SYT2: variants seen among roughly 807,000 people sequenced by gnomAD.
SYT2 encodes the protein synaptotagmin-2.
In SYT2, 15 loss-of-function variants were observed where a neutral mutation model predicts 39.9. The ratio of observed to expected loss-of-function variants is 0.38; its 90% CI spans 0.25 to 0.58. The LOEUF is 0.58. Ranked by LOEUF, SYT2 falls within the 20% of genes least tolerant of loss-of-function variation. The pLI, the probability that SYT2 is intolerant of heterozygous loss-of-function variation, is 0.70. For missense variants in SYT2, 389 were observed against 530.3 expected (o/e 0.73, Z 2.62); for synonymous variants, 181 against 204.5 (o/e 0.89, Z 0.98).
chr1:202,625,095 G>A (rs1691344002), intron 1 of SYT2, among the ~76,000 whole-genome samples: 2 of 145,520 alleles, frequency 1.4e-5, no homozygotes, highest in African/African-American at 5.2e-5. Flanking sequence ...GTTTGTGTGT[G>A]GTATGTGTGT....
At chr1:202,635,363 C>A (rs953415830) in intron 1 of SYT2, among the ~76,000 whole-genome samples, 1 of 152,168 alleles carries the variant, frequency 6.6e-6, no homozygotes, top group African/African-American at 2.4e-5. Context: ...ATAGAACTTA[C>A]AAGGGATGAT....
rs754491530 is a variant in SYT2, at chr1:202,614,520, T to C, written c.-17-8731A>G. ...CTGAGCTCATATCATGCTTCCCTCA[T>C]GGAATTTACCATGCACTTCACATAA... On this transcript the variant is annotated intron_variant, in intron 1 of 8. Coordinates refer to ENST00000367268, the MANE Select transcript of SYT2 (RefSeq NM_177402.5). The surrounding 1 kb of genome is among the most constrained non-coding windows in gnomAD (Gnocchi z 4.0). 1.3e-5 allele frequency among the ~76,000 whole-genome samples: 2 copies of C among 152,232 alleles called. No homozygotes were observed. The highest frequency in any genetic ancestry group is 2.4e-5 in the African/African-American group (1 of 41,458).
At chr1:202,621,442 A>G (rs973090320) in intron 1 of SYT2, among the ~76,000 whole-genome samples, 1 of 152,082 alleles carries the variant, frequency 6.6e-6, no homozygotes, top group African/African-American at 2.4e-5. Context: ...GACCACACAC[A>G]TGCGCCACCA....
intron 1 of SYT2, among the ~76,000 whole-genome samples, chr1:202,697,526 G>A (rs1184113420): frequency 6.6e-6 from 1 of 152,254 alleles, no homozygotes; most frequent in Non-Finnish European, 1.5e-5. Flanking sequence ...ACGCAAGAAG[G>A]AAATGCTCTC....
At chr1:202,655,524 G>T (rs1471794907) in intron 1 of SYT2, among the ~76,000 whole-genome samples, 3 of 152,162 alleles carry the variant, frequency 2.0e-5, no homozygotes, top group Non-Finnish European at 4.4e-5. Context: ...CACCGTTTAC[G>T]CACTGTGCTG....
intron 1 of SYT2, among the ~76,000 whole-genome samples, chr1:202,608,636 T>G (rs867374434): frequency 6.6e-6 from 1 of 152,248 alleles, no homozygotes; most frequent in Non-Finnish European, 1.5e-5. Context: ...ATTTCCACTT[T>G]GGGCTATTTT....
At chr1:202,613,508 T>C (rs1299014294) in intron 1 of SYT2, among the ~76,000 whole-genome samples, 2 of 152,248 alleles carry the variant, frequency 1.3e-5, no homozygotes, top group Admixed American at 1.3e-4. Context: ...TCTTCCCTAA[T>C]TGCCGTGGCT....
At chr1:202,611,544 C>T (rs1373353086) in intron 1 of SYT2, among the ~76,000 whole-genome samples, 1 of 151,902 alleles carries the variant, frequency 6.6e-6, no homozygotes, top group African/African-American at 2.4e-5. Flanking sequence ...TTAGTAGAGA[C>T]GGGGTTTTAC....
intron 1 of SYT2, among the ~76,000 whole-genome samples, chr1:202,656,563 T>C (rs1054995134): frequency 1.3e-5 from 2 of 152,188 alleles, no homozygotes; most frequent in African/African-American, 4.8e-5. Context: ...CTAAGGCTCA[T>C]TGTGACATCT....
chr1:202,601,789 C>T lies in SYT2; in HGVS notation c.801+101G>A, dbSNP rs551303520. 1.6e-4 allele frequency: 206 copies of T among 1,270,810 alleles called. No homozygotes were observed. The Admixed American group carries it at 3.9e-3, about 24-fold the overall frequency. 78.7% of individuals were successfully genotyped at this position (1,270,810 alleles called of 1,614,324 possible). A position where few individuals can be genotyped will look rare whatever the true frequency, so the allele number is the denominator to read the frequency against. ...GTGGAGCTGGGATCCTAACACAGGT[C>T]GTCTGCCTCCAAAGCCCACCCTGTT... On this transcript the variant is annotated intron_variant, in intron 6 of 8. Transcript: ENST00000367268. The surrounding 1 kb of genome is among the most constrained non-coding windows in gnomAD (Gnocchi z 4.0).
At chr1:202,674,451 A>C (rs1216595666) in intron 1 of SYT2, among the ~76,000 whole-genome samples, 1 of 152,140 alleles carries the variant, frequency 6.6e-6, no homozygotes, top group African/African-American at 2.4e-5. Context: ...GGTCCATCTG[A>C]GCATATGAAC....
At chr1:202,644,952 C>T (rs1400074029) in intron 1 of SYT2, among the ~76,000 whole-genome samples, 4 of 152,158 alleles carry the variant, frequency 2.6e-5, no homozygotes, top group Non-Finnish European at 5.9e-5. Context: ...GGCAGCAGCT[C>T]GCTTGTCACA....
chr1:202,665,115 T>C (rs910402553), intron 1 of SYT2, among the ~76,000 whole-genome samples: 1 of 152,248 alleles, frequency 6.6e-6, no homozygotes, highest in Non-Finnish European at 1.5e-5. Context: ...CTGCTCTTAC[T>C]CTTCCTACAG....
At chr1:202,692,467 A>G (rs921738355) in intron 1 of SYT2, among the ~76,000 whole-genome samples, 7 of 152,246 alleles carry the variant, frequency 4.6e-5, no homozygotes, top group African/African-American at 1.7e-4. Context: ...CTTTGGGAGA[A>G]CATTGCCAGA....
At chr1:202,667,202 G>T (rs1453372950) in intron 1 of SYT2, among the ~76,000 whole-genome samples, 1 of 151,170 alleles carries the variant, frequency 6.6e-6, no homozygotes. Flanking sequence ...GGGCTGGGAG[G>T]AAAAAAAGGA....
Position 202,601,201 on chromosome 1 carries a change from C to G in SYT2, c.801+689G>C, listed in dbSNP as rs1690493268. ...ACCACACTGCAGAGTCAAAGCTGCT[C>G]AAAGTCAAAGCCACCCAGGGCAAGA... On this transcript the variant is annotated intron_variant, in intron 6 of 8. Coordinates refer to ENST00000367268, the MANE Select transcript of SYT2 (RefSeq NM_177402.5). This position sits in a 1 kb window ranked among gnomAD's most constrained non-coding sequence, Gnocchi z 4.0. Among the ~76,000 whole-genome samples, 1 of 152,170 alleles carries G rather than the reference C, an allele frequency of 6.6e-6. No individual in the cohort carries two copies. The highest frequency in any genetic ancestry group is 2.4e-5 in the African/African-American group (1 of 41,430).
chr1:202,701,921 G>C (rs1224179941), intron 1 of SYT2, among the ~76,000 whole-genome samples: 4 of 152,318 alleles, frequency 2.6e-5, no homozygotes, highest in South Asian at 4.1e-4. Flanking sequence ...ACACAGGCAG[G>C]AAGTGGCAGT....
intron 1 of SYT2, among the ~76,000 whole-genome samples, chr1:202,681,806 T>G (rs543803048): frequency 1.7e-4 from 26 of 152,314 alleles, no homozygotes; most frequent in African/African-American, 4.8e-4. Flanking sequence ...ATGGAAGGAT[T>G]CATGTCTCCC....
intron 1 of SYT2, among the ~76,000 whole-genome samples, chr1:202,696,985 T>C (rs1211772477): frequency 6.6e-6 from 1 of 152,172 alleles, no homozygotes; most frequent in East Asian, 1.9e-4. Context: ...CAAGCTTTGG[T>C]CCCAGACACA....
Sources: allele counts gnomAD v4.1 joint callset (sites outside exome capture counted in the v4.1 genomes callset), GRCh38; gene constraint gnomAD v4.1.1; non-coding constraint Gnocchi (gnomAD v3.1); transcripts MANE v1.5; gene names NCBI Gene and HGNC (gene_info 2026-07-23, HGNC 2026-07-21).